The following STX3 variants were observed in gnomAD, a reference collection of about 807,000 sequenced individuals.
The protein encoded by STX3 is syntaxin 3.
Under a neutral mutation model 40.2 loss-of-function variants are expected in STX3, and 19 were observed. The observed-to-expected ratio is 0.47, with a 90% CI of 0.33 to 0.69. The LOEUF is 0.69. Ranked by LOEUF, STX3 falls within the 30% of genes least tolerant of loss-of-function variation. STX3 has a pLI of 0.02. For missense variants in STX3, 364 were observed against 366.7 expected (o/e 0.99, Z 0.06); for synonymous variants, 122 against 132.2 (o/e 0.92, Z 0.53).
intron 9 of STX3, among the ~76,000 whole-genome samples, chr11:59,796,313 G>A (rs1348461989): frequency 1.3e-5 from 2 of 152,170 alleles, no homozygotes; most frequent in East Asian, 3.8e-4. Flanking sequence ...CCCACCCTCT[G>A]GTGCCCCTGC....
At chr11:59,754,755 A>T (rs553348210), upstream of STX3, 1 of 152,098 alleles carries the variant, frequency 6.6e-6, no homozygotes, top group Non-Finnish European at 1.5e-5. Context: ...AACGTCTGCA[A>T]ATTGTGAGTG....
At position 59,801,281 on chromosome 11, in the gene STX3, C is replaced by G; in HGVS notation, c.*457C>G. ...AGAATGATTCTTCTAAGTTTGGCAA[C>G]AAGAAGGCTTGGATCTGAGTCTTCT... On this transcript the variant is annotated 3_prime_UTR_variant, in exon 11 of 11. Coordinates refer to ENST00000337979, the MANE Select transcript of STX3 (RefSeq NM_004177.5). The G allele has an allele frequency of 9.9e-7, 1 of 1,006,366 alleles. No homozygotes were observed. The highest frequency in any genetic ancestry group is 1.2e-6 in the Non-Finnish European group (1 of 842,634). The allele number at this position is 1,006,366 out of a possible 1,614,324, so 62.3% of individuals were successfully genotyped here.
intron 2 of STX3, among the ~76,000 whole-genome samples, chr11:59,782,693 A>G (rs1864472684): frequency 6.6e-6 from 1 of 152,122 alleles, no homozygotes. Context: ...CTAACAAAGC[A>G]TTGAAAAGTA....
intron 1 of STX3, among the ~76,000 whole-genome samples, chr11:59,770,336 G>T (rs1432934390): frequency 7.1e-6 from 1 of 140,536 alleles, no homozygotes; most frequent in African/African-American, 2.7e-5. Context: ...TGTATATGGG[G>T]TGTGGGTGGG....
chr11:59,799,278 A>T (rs1214966120), intron 10 of STX3, among the ~76,000 whole-genome samples: 1 of 152,198 alleles, frequency 6.6e-6, no homozygotes, highest in Non-Finnish European at 1.5e-5. Context: ...AAACTAATGA[A>T]CTTTTAATAT....
At chr11:59,771,841 A>G (rs1194025931) in intron 1 of STX3, among the ~76,000 whole-genome samples, 2 of 152,164 alleles carry the variant, frequency 1.3e-5, no homozygotes, top group African/African-American at 4.8e-5. Context: ...TACGTGGCAG[A>G]AGGACATGAT....
At chr11:59,789,036 T>A (rs1565184496) in intron 4 of STX3, 89 bp downstream of exon 4, 1 of 1,171,394 alleles carries the variant, frequency 8.5e-7, no homozygotes, top group Non-Finnish European at 1.2e-6. Context: ...GAAACTCCTC[T>A]TGATGGAAGT....
intron 8 of STX3, 86 bp downstream of exon 8, chr11:59,793,600 G>A: frequency 2.6e-6 from 4 of 1,510,644 alleles, no homozygotes; most frequent in African/African-American, 2.8e-5. Flanking sequence ...AATACTGGAA[G>A]CCAGTGAGGT....
At position 59,792,173 on chromosome 11, in the gene STX3, C is replaced by G. The variant is rs372990138; in HGVS notation, c.424C>G (p.Arg142Gly). ...ATACAATGAAGCTCAAGTGGACTTC[C>G]GAGAACGCAGCAAAGGGCGAATCCA... ...TKYNEAQVDF[R>G]ERSKGRIQRQ... Residue 142 changes from arginine (R) to glycine (G), a missense_variant, in exon 6 of 11, where the codon CGA (arginine) becomes GGA (glycine). Arg to Gly is a moderately radical substitution (Grantham distance 125). Transcript: ENST00000337979. 6.2e-7 allele frequency: 1 copy of G among 1,614,080 alleles called. No homozygotes were observed. The highest frequency in any genetic ancestry group is 8.5e-7 in the Non-Finnish European group (1 of 1,180,028).
intron 10 of STX3, chr11:59,800,535 CGGT>C (rs1565195251): frequency 1.0e-6 from 1 of 985,344 alleles, no homozygotes; most frequent in Admixed American, 6.1e-5. Context: ...TCTTCAGGAG[CGGT>C]GTTGCTGTGG....
Position 59,801,124 on chromosome 11 carries a change from G to GC in STX3, c.*300_*301insC. 7.3e-7 allele frequency: 1 copy of GC among 1,364,926 alleles called. No individual in the cohort carries two copies. Among genetic ancestry groups the GC allele is most frequent in the South Asian group, 1.8e-5 (1 of 54,814 alleles). The allele number at this position is 1,364,926 out of a possible 1,614,324, so 84.6% of individuals were successfully genotyped here. The stretch of plus-strand genomic sequence containing the variant: ...CCACCCAGCTTTCTTCCTCCCTGTT[G>GC]TGTGTCAGATTATGCCTTGCACTTG... On this transcript the variant is annotated 3_prime_UTR_variant, in exon 11 of 11. Transcript: ENST00000337979.
At chr11:59,792,001 G>C in intron 5 of STX3, 106 bp from the exon 6 acceptor site, 1 of 932,730 alleles carries the variant, frequency 1.1e-6, no homozygotes, top group Non-Finnish European at 1.7e-6. Context: ...CTGGTTTTTT[G>C]ATTCCAAGTC....
rs1482320522 is a variant in STX3 at position 59,800,867 on chromosome 11, C to T, written c.*43C>T. 3.3e-6 allele frequency: 5 copies of T among 1,536,254 alleles called. No individual in the cohort carries two copies. The highest frequency in any genetic ancestry group is 2.0e-5 in the Admixed American group (1 of 50,984). Reference sequence around the variant, plus strand: ...CCCTGCCTCCTAGAAACTGATTTCACTCCAGACTGGTGTGGCCACCCTTGT... The same window carrying T: ...CCCTGCCTCCTAGAAACTGATTTCATTCCAGACTGGTGTGGCCACCCTTGT... On this transcript the variant is annotated 3_prime_UTR_variant, in exon 11 of 11. Transcript: ENST00000337979.
rs1213862928 is a variant in STX3 at position 59,761,517 on chromosome 11, CA to C, written c.30+5885del. 1.5e-4 allele frequency among the ~76,000 whole-genome samples: 23 copies of C among 152,280 alleles called. No homozygotes were observed. In the East Asian group the frequency reaches 4.4e-3, roughly 29 times the overall value. On this transcript the variant is annotated intron_variant, in intron 1 of 10. Transcript: ENST00000337979. The stretch of plus-strand genomic sequence containing the variant: ...GCCCAAAGCCTGTAAAGCTGTAAAC[CA>C]AACTGTCCTGTCAATGAATGGGGAT...
Position 59,773,213 on chromosome 11 carries a change from G to A in STX3, c.33G>A (p.Lys11=). Residue 11 remains lysine (K), a splice_region_variant and synonymous_variant, in exon 2 of 11, where the codon AAG becomes AAA. Coordinates refer to ENST00000337979, the MANE Select transcript of STX3 (RefSeq NM_004177.5). ...CTGCTCTTTTTTGCCTTTTGCAGAA[G>A]CAGCTGACACAGGATGATGATACTG... MKDRLEQLKA[K]QLTQDDDTDA... 1.2e-6 allele frequency: 2 copies of A among 1,613,956 alleles called. No individual in the cohort carries two copies. Among genetic ancestry groups the A allele is most frequent in the Non-Finnish European group, 1.7e-6 (2 of 1,179,932 alleles).
At position 59,781,624 on chromosome 11, in the gene STX3, G is replaced by A. The variant is rs370303138; in HGVS notation, c.115-5413G>A. ...GGCTTGGCCATTGCGCCCATTTTTC[G>A]CAAAGCTATTCCCACTCCTAGCTCC... On this transcript the variant is annotated intron_variant, in intron 2 of 10. Coordinates refer to ENST00000337979, the MANE Select transcript of STX3 (RefSeq NM_004177.5). 1.3e-3 allele frequency: 2,171 copies of A among 1,613,340 alleles called. 15 individuals are homozygous for A. The African/African-American group carries it at 0.023, about 17-fold the overall frequency.
intron 8 of STX3, among the ~76,000 whole-genome samples, chr11:59,794,411 C>A (rs1865396894): frequency 6.6e-6 from 1 of 152,196 alleles, no homozygotes; most frequent in Admixed American, 6.5e-5. Context: ...AAAATTGCTT[C>A]CATAGTAGGC....
At chr11:59,755,205 G>C (rs1041295349), upstream of STX3, 2 of 163,802 alleles carry the variant, frequency 1.2e-5, no homozygotes, top group African/African-American at 4.8e-5. Context: ...GCCTCTCCCC[G>C]GACTCCACGC....
chr11:59,801,091 G>C lies in STX3; in HGVS notation c.*267G>C. 1 of 1,407,952 alleles carries C rather than the reference G, an allele frequency of 7.1e-7. No individual in the cohort carries two copies. Among genetic ancestry groups the C allele is most frequent in the African/African-American group, 1.4e-5 (1 of 69,462 alleles). 87.2% of individuals were successfully genotyped at this position (1,407,952 alleles called of 1,614,324 possible). A position where few individuals can be genotyped will look rare whatever the true frequency, so the allele number is the denominator to read the frequency against. On this transcript the variant is annotated 3_prime_UTR_variant, in exon 11 of 11. Coordinates refer to ENST00000337979, the MANE Select transcript of STX3 (RefSeq NM_004177.5). ...TCTCAAGTACCTTTTCTCCTGGACTGTGTGGACCCACCCAGCTTTCTTCCT... is the reference window on the plus strand; with the variant it reads ...TCTCAAGTACCTTTTCTCCTGGACTCTGTGGACCCACCCAGCTTTCTTCCT...
Sources: allele counts gnomAD v4.1 joint callset (sites outside exome capture counted in the v4.1 genomes callset), GRCh38; gene constraint gnomAD v4.1.1; transcripts MANE v1.5; gene names NCBI Gene and HGNC (gene_info 2026-07-23, HGNC 2026-07-21).